Variants in TENM3 observed in about 807,000 individuals in gnomAD.
TENM3 encodes the protein teneurin-3.
TENM3 carries 63 observed loss-of-function variants against 255.1 expected under a neutral mutation model. That is an observed-to-expected ratio of 0.25 (90% CI 0.20 to 0.30). The LOEUF is 0.30. Among genes scored for constraint, TENM3 ranks in the 10% least tolerant of loss-of-function variants. The pLI is 1.00. For synonymous variants in TENM3, 1,306 were observed against 1,322.3 expected, an observed-to-expected ratio of 0.99 and a Z score of 0.27; for missense variants, 2,929 against 3,461.1, an observed-to-expected ratio of 0.85 and a Z score of 3.86.
the TENM3 span, among the ~76,000 whole-genome samples, chr4:181,660,485 A>G: frequency 6.6e-6 from 1 of 152,318 alleles, no homozygotes; most frequent in East Asian, 1.9e-4. Flanking sequence ...GAGATAATCA[A>G]AATGCAAAGC....
chr4:182,751,857 C>T lies in TENM3; in HGVS notation c.3687C>T (p.Tyr1229=), dbSNP rs570729561. ...LATDPVTGDL[Y]VSDTNTRRIY... is the part of the protein sequence containing the mutation. Reference sequence around the variant, plus strand: ...CGGATCCAGTCACGGGAGATCTGTACGTTTCTGACACAAACACCCGCAGAA... The same window carrying T: ...CGGATCCAGTCACGGGAGATCTGTATGTTTCTGACACAAACACCCGCAGAA... The change falls in exon 20 of 28, where the codon TAC becomes TAT. Residue 1229 remains tyrosine, a synonymous_variant. Coordinates refer to ENST00000511685, the MANE Select transcript of TENM3 (RefSeq NM_001080477.4). 55 of 1,613,934 alleles carry T rather than the reference C, an allele frequency of 3.4e-5. 3 individuals carry two copies. The highest frequency in any genetic ancestry group is 2.5e-4 in the African/African-American group (19 of 75,018).
At chr4:182,231,365 A>C (rs1178102838) in intron 1 of TENM3, among the ~76,000 whole-genome samples, 1 of 152,040 alleles carries the variant, frequency 6.6e-6, no homozygotes, top group Non-Finnish European at 1.5e-5. Flanking sequence ...CAGGAGAACA[A>C]AAAAAAGGAA....
At chr4:181,588,679 G>A in the TENM3 span, among the ~76,000 whole-genome samples, 2 of 152,168 alleles carry the variant, frequency 1.3e-5, no homozygotes, top group African/African-American at 4.8e-5. Context: ...GTTGTAAATA[G>A]AGAAGAGAGG....
the TENM3 span, among the ~76,000 whole-genome samples, chr4:181,981,594 G>T: frequency 6.6e-6 from 1 of 152,154 alleles, no homozygotes; most frequent in African/African-American, 2.4e-5. Context: ...GAAAGAGAAA[G>T]TATTACATCA....
At chr4:182,489,712 A>G (rs74319243) in intron 3 of TENM3, among the ~76,000 whole-genome samples, 4,747 of 152,144 alleles carry the variant, frequency 0.031, 128 homozygotes, top group Admixed American at 0.058. Context: ...GTGCTCCTTA[A>G]GCAAAACATT....
chr4:182,443,673 G>A (rs1246168089), intron 3 of TENM3, among the ~76,000 whole-genome samples: 3 of 152,002 alleles, frequency 2.0e-5, no homozygotes, highest in East Asian at 1.9e-4. Context: ...TAAGCCTTTC[G>A]TATACAGCAC....
chr4:181,983,054 C>T, the TENM3 span, among the ~76,000 whole-genome samples: 1 of 152,050 alleles, frequency 6.6e-6, no homozygotes, highest in South Asian at 2.1e-4. Context: ...TACCTCTCTG[C>T]GTGCCAGAAT....
At chr4:182,435,533 A>G (rs1213046393) in intron 3 of TENM3, among the ~76,000 whole-genome samples, 1 of 152,236 alleles carries the variant, frequency 6.6e-6, no homozygotes, top group Admixed American at 6.5e-5. Context: ...TGCTTGTAAT[A>G]TGGAGATTAG....
chr4:182,241,508 TTTTTTCTTTC>T (rs1234635399), upstream of TENM3, among the ~76,000 whole-genome samples: 3 of 137,350 alleles, frequency 2.2e-5, no homozygotes, highest in African/African-American at 3.1e-5. Context: ...TTTCCCTTTC[TTTTTTCTTTC>T]TTTTTTTTTT....
intron 24 of TENM3, among the ~76,000 whole-genome samples, chr4:182,784,298 T>A (rs1765429396): frequency 6.6e-6 from 1 of 152,032 alleles, no homozygotes; most frequent in South Asian, 2.1e-4. Context: ...TGCAGGTCTG[T>A]TGGAATACCC....
the TENM3 span, among the ~76,000 whole-genome samples, chr4:181,553,910 C>T: frequency 3.3e-5 from 5 of 152,188 alleles, no homozygotes; most frequent in South Asian, 2.1e-4. Flanking sequence ...CCTGCTCCAT[C>T]CCCCCGCTCT....
At chr4:181,501,592 C>A in the TENM3 span, among the ~76,000 whole-genome samples, 126 of 152,120 alleles carry the variant, frequency 8.3e-4, 1 homozygote, top group Non-Finnish European at 1.4e-3. Context: ...GTTGGCCAGG[C>A]TGCTCTCGAA....
the TENM3 span, among the ~76,000 whole-genome samples, chr4:181,925,993 G>A: frequency 6.6e-6 from 1 of 152,094 alleles, no homozygotes; most frequent in Non-Finnish European, 1.5e-5. Context: ...CCTTGTTTTG[G>A]CATGATGTCG....
chr4:182,034,097 A>C, the TENM3 span, among the ~76,000 whole-genome samples: 1 of 152,206 alleles, frequency 6.6e-6, no homozygotes, highest in African/African-American at 2.4e-5. Flanking sequence ...CGTGTTGTAC[A>C]TGGCAGCAAG....
the TENM3 span, among the ~76,000 whole-genome samples, chr4:181,702,501 A>G: frequency 1.3e-5 from 2 of 152,324 alleles, no homozygotes; most frequent in East Asian, 3.9e-4. Context: ...GGAAAACCAT[A>G]TTTTGTCAGA....
Position 182,621,604 on chromosome 4 carries a change from AAT to A in TENM3, c.750-7039_750-7038del, listed in dbSNP as rs1183557281. The stretch of plus-strand genomic sequence containing the variant: ...ATAGGGAGACCCCCATCTGTACAAA[AAT>A]ATATATAAATATATATATAAAATAT... On this transcript the variant is annotated intron_variant, in intron 4 of 27. Coordinates refer to ENST00000511685, the MANE Select transcript of TENM3 (RefSeq NM_001080477.4). Among the ~76,000 whole-genome samples the A allele has an allele frequency of 3.4e-3, 340 of 99,924 alleles. 10 individuals are homozygous for A. The highest frequency in any genetic ancestry group is 0.012 in the African/African-American group (325 of 26,044). The allele number at this position is 99,924 out of a possible 152,430, so 65.6% of individuals were successfully genotyped here.
intron 1 of TENM3, among the ~76,000 whole-genome samples, chr4:182,288,552 T>C (rs1246474499): frequency 6.6e-6 from 1 of 152,252 alleles, no homozygotes; most frequent in East Asian, 1.9e-4. Context: ...AAACAGCGGT[T>C]GAATGAGTGG....
chr4:182,496,166 T>G (rs991719398), intron 3 of TENM3, among the ~76,000 whole-genome samples: 2 of 152,198 alleles, frequency 1.3e-5, no homozygotes, highest in African/African-American at 4.8e-5. Context: ...CTCACTGTTC[T>G]TGGTTTACTC....
chr4:181,733,765 C>T, the TENM3 span, among the ~76,000 whole-genome samples: 3 of 152,152 alleles, frequency 2.0e-5, no homozygotes, highest in South Asian at 4.1e-4. Flanking sequence ...GGAAGAGGGA[C>T]GCAGTTGAGT....
Sources: allele counts gnomAD v4.1 joint callset (sites outside exome capture counted in the v4.1 genomes callset), GRCh38; gene constraint gnomAD v4.1.1; transcripts MANE v1.5; gene names NCBI Gene and HGNC (gene_info 2026-07-23, HGNC 2026-07-21).